MYBPC1: variants seen among roughly 807,000 people sequenced by gnomAD.
MYBPC1 encodes the protein myosin binding protein C1.
A neutral mutation model predicts 147.1 loss-of-function variants in MYBPC1; 52 were observed. That is an observed-to-expected ratio of 0.35 (90% CI 0.28 to 0.45). MYBPC1 has a LOEUF of 0.45. Among genes scored for constraint, MYBPC1 ranks in the 20% least tolerant of loss-of-function variants. The pLI is 1.00. For missense variants in MYBPC1, 1,228 were observed against 1,440.3 expected, an observed-to-expected ratio of 0.85 and a Z score of 2.39; for synonymous variants, 477 against 475.9, an observed-to-expected ratio of 1.00 and a Z score of -0.03.
chr12:101,604,666 C>T (rs772954179), intron 1 of MYBPC1, among the ~76,000 whole-genome samples: 8 of 152,128 alleles, frequency 5.3e-5, no homozygotes, highest in South Asian at 2.1e-4. Context: ...GCATGTGACA[C>T]CCTGAGGGCC....
intron 20 of MYBPC1, among the ~76,000 whole-genome samples, 158 bp downstream of exon 20, chr12:101,661,420 T>C (rs561747256): frequency 9.2e-5 from 14 of 152,350 alleles, no homozygotes; most frequent in African/African-American, 3.1e-4. Context: ...TGAGATGCTC[T>C]GTAATTACTC....
downstream of MYBPC1, among the ~76,000 whole-genome samples, chr12:101,688,863 G>A (rs757319833): frequency 1.4e-5 from 2 of 147,626 alleles, no homozygotes; most frequent in Non-Finnish European, 3.0e-5. Context: ...TGATATATGA[G>A]AATAGCTTAA....
intron 21 of MYBPC1, among the ~76,000 whole-genome samples, chr12:101,662,853 T>C (rs1331675657): frequency 6.6e-6 from 1 of 152,210 alleles, no homozygotes; most frequent in Non-Finnish European, 1.5e-5. Context: ...GTACTTTCCA[T>C]TTGCCCTTCT....
intron 24 of MYBPC1, 135 bp from the exon 25 acceptor site, chr12:101,673,292 C>A: frequency 1.2e-6 from 1 of 828,812 alleles, no homozygotes; most frequent in Non-Finnish European, 2.0e-6. Context: ...TGTAATTGCT[C>A]ACCACCAGAC....
intron 1 of MYBPC1, among the ~76,000 whole-genome samples, chr12:101,604,997 T>C (rs1193564866): frequency 1.3e-5 from 2 of 152,214 alleles, no homozygotes; most frequent in Admixed American, 6.5e-5. Flanking sequence ...TCAGGCACCC[T>C]GCTTACCTTT....
chr12:101,692,856 A>G, the MYBPC1 span, among the ~76,000 whole-genome samples: 37 of 152,238 alleles, frequency 2.4e-4, no homozygotes, highest in East Asian at 2.5e-3. Context: ...TTAATTTGAA[A>G]TTTCCAAAAA....
At chr12:101,647,634 T>C (rs1248596916) in intron 13 of MYBPC1, among the ~76,000 whole-genome samples, 2 of 152,172 alleles carry the variant, frequency 1.3e-5, no homozygotes, top group Non-Finnish European at 1.5e-5. Context: ...ATGTCTATAA[T>C]ACCAGCACTT....
At chr12:101,633,247 G>A (rs1033211986) in intron 8 of MYBPC1, among the ~76,000 whole-genome samples, 9 of 152,196 alleles carry the variant, frequency 5.9e-5, no homozygotes, top group Admixed American at 1.3e-4. Flanking sequence ...GTGTGTGGGT[G>A]AAGGAAGTCA....
intron 18 of MYBPC1, among the ~76,000 whole-genome samples, chr12:101,659,317 G>C (rs1315736785): frequency 3.3e-5 from 5 of 152,158 alleles, no homozygotes; most frequent in Non-Finnish European, 7.3e-5. Flanking sequence ...GTCTGCACTT[G>C]TATTTTTAGT....
chr12:101,623,424 C>A (rs908407981), intron 3 of MYBPC1, among the ~76,000 whole-genome samples: 12 of 152,124 alleles, frequency 7.9e-5, no homozygotes, highest in African/African-American at 2.7e-4. Flanking sequence ...TAAATATGTG[C>A]AAATATTATG....
In MYBPC1 at chr12:101,685,939, T is replaced by C. The variant is rs866990376; in HGVS notation, c.*377T>C. 7.7e-5 allele frequency: 19 copies of C among 246,638 alleles called. No individual in the cohort carries two copies. The highest frequency in any genetic ancestry group is 3.9e-4 in the African/African-American group (17 of 43,762). 15.3% of individuals were successfully genotyped at this position (246,638 alleles called of 1,614,324 possible). ...TTATACTTTACAAAAATGCAAGTCA[T>C]AGAATAAGCAAAAGCAGTTATTTTT... On this transcript the variant is annotated 3_prime_UTR_variant, in exon 32 of 32. Transcript: ENST00000361466.
At chr12:101,624,683 A>ATTTTTTTTTTTTTTTTTTTTT (rs57175970) in intron 3 of MYBPC1, among the ~76,000 whole-genome samples, 2 of 99,112 alleles carry the variant, frequency 2.0e-5, no homozygotes, top group African/African-American at 8.3e-5. Context: ...CGGCTAATTA[A>ATTTTTTTTTTTTTTTTTTTTT]TTTTTTTTTT....
intron 1 of MYBPC1, among the ~76,000 whole-genome samples, chr12:101,598,641 A>G (rs1016279701): frequency 6.6e-6 from 1 of 152,058 alleles, no homozygotes. Flanking sequence ...TGGTGCAATC[A>G]TGGCTCACTG....
At chr12:101,606,649 A>G (rs1397096144) in intron 1 of MYBPC1, among the ~76,000 whole-genome samples, 1 of 152,074 alleles carries the variant, frequency 6.6e-6, no homozygotes, top group Non-Finnish European at 1.5e-5. Flanking sequence ...CAAAGTATAA[A>G]ATATCCAGAC....
At chr12:101,595,260 C>T (rs373197770) in intron 1 of MYBPC1, among the ~76,000 whole-genome samples, 165 bp downstream of exon 1, 1 of 152,062 alleles carries the variant, frequency 6.6e-6, no homozygotes, top group South Asian at 2.1e-4. Context: ...AAAAATACAG[C>T]GAGAGTATAT....
At chr12:101,687,539 A>G (rs1437437516), downstream of MYBPC1, among the ~76,000 whole-genome samples, 1 of 152,214 alleles carries the variant, frequency 6.6e-6, no homozygotes, top group Non-Finnish European at 1.5e-5. Context: ...GTAAACTCCA[A>G]TTTTAATCAA....
At chr12:101,629,697 A>T (rs1889457531) in intron 6 of MYBPC1, among the ~76,000 whole-genome samples, 153 bp downstream of exon 6, 1 of 152,098 alleles carries the variant, frequency 6.6e-6, no homozygotes, top group South Asian at 2.1e-4. Context: ...ACATGGTGAA[A>T]CCCAGTCCCT....
intron 15 of MYBPC1, 87 bp downstream of exon 15, chr12:101,649,513 T>A: frequency 2.7e-6 from 4 of 1,469,654 alleles, no homozygotes; most frequent in Non-Finnish European, 3.8e-6. Context: ...TCTATTTGAT[T>A]TCTATTTGCG....
rs191290275 is a variant in MYBPC1 at position 101,620,538 on chromosome 12, A to G, written c.103+3295A>G. On this transcript the variant is annotated intron_variant, in intron 3 of 31. Coordinates refer to ENST00000361466, the MANE Select transcript of MYBPC1 (RefSeq NM_002465.4). ...AGTTTTGAAAGCAGACAAGAGTCACAGAGGGCCATGTGTAGGGAATAACGT... is the reference window on the plus strand; with the variant it reads ...AGTTTTGAAAGCAGACAAGAGTCACGGAGGGCCATGTGTAGGGAATAACGT... 8.0e-4 allele frequency among the ~76,000 whole-genome samples: 122 copies of G among 152,342 alleles called. 1 individual carries two copies. The highest frequency in any genetic ancestry group is 1.5e-3 in the Non-Finnish European group (99 of 68,034).
Sources: gnomAD v4.1 joint callset for allele counts (sites outside exome capture counted in the v4.1 genomes callset) on GRCh38, gnomAD v4.1.1 for gene constraint, MANE v1.5 for transcripts, NCBI Gene and HGNC (gene_info 2026-07-23, HGNC 2026-07-21) for gene names.